CTNNAL1: variants seen among roughly 807,000 people sequenced by gnomAD.
CTNNAL1 encodes the protein alpha-catulin.
A neutral mutation model predicts 93.6 loss-of-function variants in CTNNAL1; 69 were observed. That is an observed-to-expected ratio of 0.74 (90% CI 0.61 to 0.90). CTNNAL1 has a LOEUF of 0.90. CTNNAL1 is among the 40% of genes least tolerant of loss of function. The pLI, the probability that CTNNAL1 is intolerant of heterozygous loss-of-function variation, is 0.00. For synonymous variants in CTNNAL1, 286 were observed against 305.4 expected (o/e 0.94, Z 0.66); for missense variants, 836 against 862.0 (o/e 0.97, Z 0.38).
chr9:108,984,610 C>G (rs1014668170), intron 4 of CTNNAL1, among the ~76,000 whole-genome samples, 174 bp from the exon 5 acceptor site: 2 of 149,166 alleles, frequency 1.3e-5, no homozygotes, highest in African/African-American at 4.9e-5. Flanking sequence ...ATAAACACAT[C>G]AACACAATAT....
At chr9:108,978,898 G>T (rs1010710656) in intron 7 of CTNNAL1, among the ~76,000 whole-genome samples, 1 of 152,226 alleles carries the variant, frequency 6.6e-6, no homozygotes, top group African/African-American at 2.4e-5. Context: ...GGCTCCAGCA[G>T]TCAGGCTCAG....
In CTNNAL1 at chr9:108,967,680, A is replaced by G. The variant is rs866654982; in HGVS notation, c.1441-2152T>C. On this transcript the variant is annotated intron_variant, in intron 10 of 18. Transcript: ENST00000325551. Reference sequence around the variant, plus strand: ...GTCACTGAAAAGGTGAGGGAGCTACAGGAAAATCGAGGGGAAGTCATTTGG... The same window carrying G: ...GTCACTGAAAAGGTGAGGGAGCTACGGGAAAATCGAGGGGAAGTCATTTGG... Among the ~76,000 whole-genome samples, 3 of 152,242 alleles carry G rather than the reference A, an allele frequency of 2.0e-5. No homozygotes were observed. In the South Asian group the frequency reaches 6.2e-4, roughly 31 times the overall value.
At chr9:108,998,402 T>TA (rs1218117714) in intron 2 of CTNNAL1, among the ~76,000 whole-genome samples, 2 of 151,190 alleles carry the variant, frequency 1.3e-5, no homozygotes, top group East Asian at 2.0e-4. Context: ...TTTTTTTTTT[T>TA]ACATGGTAAC....
intron 8 of CTNNAL1, among the ~76,000 whole-genome samples, chr9:108,975,055 C>T (rs1397567931): frequency 1.3e-5 from 2 of 151,898 alleles, no homozygotes; most frequent in East Asian, 1.9e-4. Context: ...CCCAGCTACT[C>T]GGGAGGCTGA....
intron 11 of CTNNAL1, among the ~76,000 whole-genome samples, chr9:108,958,992 G>A (rs1428021412): frequency 2.6e-5 from 4 of 151,722 alleles, no homozygotes; most frequent in South Asian, 2.1e-4. Flanking sequence ...AGCCAGGCAC[G>A]GTGGCTCATG....
At chr9:108,984,900 T>C (rs374702027) in intron 4 of CTNNAL1, among the ~76,000 whole-genome samples, 9 of 152,376 alleles carry the variant, frequency 5.9e-5, no homozygotes, top group African/African-American at 2.2e-4. Flanking sequence ...CTAACTGCTA[T>C]GCATCTCAAA....
At chr9:108,982,821 T>C (rs1342970314) in intron 6 of CTNNAL1, among the ~76,000 whole-genome samples, 4 of 152,368 alleles carry the variant, frequency 2.6e-5, no homozygotes, top group African/African-American at 9.6e-5. Flanking sequence ...CTCATGCCTG[T>C]GATCCCAGCA....
chr9:108,989,755 A>G (rs909145759), intron 4 of CTNNAL1, among the ~76,000 whole-genome samples: 2 of 152,216 alleles, frequency 1.3e-5, no homozygotes, highest in African/African-American at 4.8e-5. Context: ...CAGACCCATA[A>G]GGAACTAATA....
intron 1 of CTNNAL1, among the ~76,000 whole-genome samples, chr9:109,011,661 A>C (rs1335135317): frequency 6.6e-6 from 1 of 152,234 alleles, no homozygotes; most frequent in Admixed American, 6.5e-5. Context: ...AGTGTAGCAA[A>C]GAGAACCTTC....
chr9:108,947,076 A>G (rs927375130), intron 15 of CTNNAL1, among the ~76,000 whole-genome samples: 3 of 152,042 alleles, frequency 2.0e-5, no homozygotes. Flanking sequence ...AGAATGCCAA[A>G]TAAAACTATA....
intron 7 of CTNNAL1, among the ~76,000 whole-genome samples, chr9:108,977,704 C>T (rs574493406): frequency 9.2e-5 from 14 of 152,192 alleles, no homozygotes; most frequent in Middle Eastern, 6.8e-3. Context: ...AATGGTAGGT[C>T]GTAGATATTC....
chr9:108,959,039 G>A (rs1271746995), intron 11 of CTNNAL1, among the ~76,000 whole-genome samples: 1 of 151,802 alleles, frequency 6.6e-6, no homozygotes, highest in Non-Finnish European at 1.5e-5. Context: ...CAATGCGGGA[G>A]GGTTACTTGA....
At chr9:108,963,688 A>T (rs112166168) in intron 11 of CTNNAL1, 1 of 152,244 alleles carries the variant, frequency 6.6e-6, no homozygotes, top group Non-Finnish European at 1.5e-5. Flanking sequence ...CAGCCTCCCT[A>T]CTGGGCTGAT....
At chr9:108,955,317 G>C (rs1384651400) in intron 12 of CTNNAL1, among the ~76,000 whole-genome samples, 1 of 152,050 alleles carries the variant, frequency 6.6e-6, no homozygotes, top group Non-Finnish European at 1.5e-5. Context: ...CCCCCAAAAG[G>C]GATCTTGGGA....
chr9:109,005,638 T>C (rs1290027363), intron 1 of CTNNAL1, among the ~76,000 whole-genome samples: 3 of 152,202 alleles, frequency 2.0e-5, no homozygotes, highest in African/African-American at 7.2e-5. Context: ...GATCCTAGAC[T>C]ACCCAGCCTA....
intron 2 of CTNNAL1, among the ~76,000 whole-genome samples, chr9:108,993,645 A>G (rs370625119): frequency 2.0e-5 from 3 of 152,350 alleles, no homozygotes; most frequent in Admixed American, 6.5e-5. Flanking sequence ...TAATAAAACA[A>G]TCCAAGTATT....
chr9:109,006,824 T>C (rs1013845190), intron 1 of CTNNAL1, among the ~76,000 whole-genome samples: 4 of 152,324 alleles, frequency 2.6e-5, no homozygotes, highest in African/African-American at 9.6e-5. Flanking sequence ...ATGGACATCA[T>C]TCTGCCTGGT....
chr9:108,945,639 T>TG (rs1283443623), intron 15 of CTNNAL1, among the ~76,000 whole-genome samples: 3 of 150,934 alleles, frequency 2.0e-5, no homozygotes, highest in Non-Finnish European at 4.4e-5. Context: ...TTTTTTTTTT[T>TG]TTTGTTTTGT....
chr9:108,967,145 T>G (rs1054276281), intron 10 of CTNNAL1, among the ~76,000 whole-genome samples: 1 of 152,098 alleles, frequency 6.6e-6, no homozygotes, highest in African/African-American at 2.4e-5. Flanking sequence ...TTTTAGAGAA[T>G]CCACTATGTG....
Sources: allele counts gnomAD v4.1 joint callset (sites outside exome capture counted in the v4.1 genomes callset), GRCh38; gene constraint gnomAD v4.1.1; transcripts MANE v1.5; gene names NCBI Gene and HGNC (gene_info 2026-07-23, HGNC 2026-07-21).